The following SCEL variants were observed in gnomAD, a reference collection of about 807,000 sequenced individuals.
The protein encoded by SCEL is sciellin.
Under a neutral mutation model 117.6 loss-of-function variants are expected in SCEL, and 113 were observed. The observed-to-expected ratio is 0.96, with a 90% CI of 0.83 to 1.12. The LOEUF is 1.12. Among genes scored for constraint, SCEL ranks in the 50% most tolerant of loss-of-function variants. SCEL has a pLI of 0.00. For synonymous variants in SCEL, 270 were observed against 256.2 expected (o/e 1.05, Z -0.51); for missense variants, 785 against 810.8 (o/e 0.97, Z 0.39).
chr13:77,586,621 A>T (rs2086578359), intron 9 of SCEL, among the ~76,000 whole-genome samples: 1 of 152,112 alleles, frequency 6.6e-6, no homozygotes, highest in East Asian at 1.9e-4. Flanking sequence ...TCCAACTCTC[A>T]GTCTATTCTG....
In SCEL at chr13:77,604,177, T is replaced by C. The variant is rs1407132378; in HGVS notation, c.1098-179T>C. 8 of 436,532 alleles carry C rather than the reference T, an allele frequency of 1.8e-5. No homozygotes were observed. In the South Asian group the frequency reaches 3.4e-4, roughly 19 times the overall value. The allele number at this position is 436,532 out of a possible 1,614,324, so 27.0% of individuals were successfully genotyped here. A position where few individuals can be genotyped will look rare whatever the true frequency, so the allele number is the denominator to read the frequency against. ...ATTTATTACTAACAAATAAGCAACA[T>C]TAAATGGTCTTCAGCTCAAGTTGTA... is the stretch of plus-strand genomic sequence containing the variant. On this transcript the variant is annotated intron_variant, in intron 18 of 32. Transcript: ENST00000349847.
Position 77,613,972 on chromosome 13 carries a change from A to C in SCEL, c.1451+17A>C, listed in dbSNP as rs1567420441. The C allele has an allele frequency of 5.0e-6, 8 of 1,604,878 alleles. No individual in the cohort carries two copies. The highest frequency in any genetic ancestry group is 5.1e-6 in the Non-Finnish European group (6 of 1,173,436). Reference sequence around the variant, plus strand: ...CACTGATGGGTAAGAGATGGATGTGATTTTTGTTGTGTTTCTCGTTAAGTA... The same window carrying C: ...CACTGATGGGTAAGAGATGGATGTGCTTTTTGTTGTGTTTCTCGTTAAGTA... On this transcript the variant is annotated intron_variant, in intron 24 of 32. Coordinates refer to ENST00000349847, the MANE Select transcript of SCEL (RefSeq NM_144777.3).
chr13:77,552,820 G>GGTTTTGGGTGTAAT (rs1346294903), intron 1 of SCEL, among the ~76,000 whole-genome samples: 2 of 152,148 alleles, frequency 1.3e-5, no homozygotes, highest in African/African-American at 4.8e-5. Context: ...GGGTTTTTAT[G>GGTTTTGGGTGTAAT]GTTTTGGGTG....
intron 4 of SCEL, among the ~76,000 whole-genome samples, chr13:77,562,387 T>C (rs920596135): frequency 6.6e-6 from 1 of 152,178 alleles, no homozygotes; most frequent in African/African-American, 2.4e-5. Flanking sequence ...GGGGTTGTAT[T>C]AAAAATTGGG....
intron 3 of SCEL, among the ~76,000 whole-genome samples, chr13:77,559,110 CTGGGT>C (rs1205447737): frequency 4.6e-5 from 7 of 152,190 alleles, no homozygotes; most frequent in African/African-American, 1.7e-4. Context: ...ATGAAAATAT[CTGGGT>C]CCTAGACCCA....
intron 8 of SCEL, 127 bp downstream of exon 8, chr13:77,569,578 C>T: frequency 1.6e-6 from 1 of 618,154 alleles, no homozygotes; most frequent in Non-Finnish European, 2.8e-6. Context: ...CAGCTCTTTC[C>T]CCCAGCAATC....
chr13:77,644,210 G>A (rs2274014), intron 32 of SCEL, 48 bp from the exon 33 acceptor site: 2 of 1,606,944 alleles, frequency 1.2e-6, no homozygotes, highest in African/African-American at 1.3e-5. Flanking sequence ...TTAATGATGA[G>A]CTTGTTTCTG....
Position 77,627,012 on chromosome 13 carries a change from G to A in SCEL, c.1629-935G>A, listed in dbSNP as rs1339762410. 2.6e-5 allele frequency among the ~76,000 whole-genome samples: 4 copies of A among 152,028 alleles called. No homozygotes were observed. In the East Asian group the frequency reaches 5.8e-4, roughly 22 times the overall value. On this transcript the variant is annotated intron_variant, in intron 27 of 32. Transcript: ENST00000349847. ...TATAAATAACATACCAGAGGATCTT[G>A]TATCTCATGAAAGGGTGTCAAATCA...
At chr13:77,564,456 TACATG>T (rs1343110714) in intron 5 of SCEL, among the ~76,000 whole-genome samples, 1 of 152,176 alleles carries the variant, frequency 6.6e-6, no homozygotes, top group East Asian at 1.9e-4. Context: ...AGTTCCTTCT[TACATG>T]GAGGGAAAGG....
intron 22 of SCEL, among the ~76,000 whole-genome samples, chr13:77,611,879 A>G (rs2088660410): frequency 6.6e-6 from 1 of 152,120 alleles, no homozygotes. Context: ...ATCTGTTAGT[A>G]TTATTATTAC....
intron 9 of SCEL, among the ~76,000 whole-genome samples, chr13:77,577,847 C>T (rs1222464461): frequency 6.6e-6 from 1 of 152,112 alleles, no homozygotes; most frequent in African/African-American, 2.4e-5. Flanking sequence ...AGGCCTTAAC[C>T]TGCTGCTGTT....
chr13:77,563,907 G>A lies in SCEL; in HGVS notation c.290+8G>A. On this transcript the variant is annotated splice_region_variant and intron_variant, in intron 5 of 32. Transcript: ENST00000349847. ...TGATGACACTTTGGACAGGTAAGGG[G>A]CTTTTGAACCATATAAATGGAATGC... is the stretch of plus-strand genomic sequence containing the variant. 1 of 1,557,510 alleles carries A rather than the reference G, an allele frequency of 6.4e-7. No homozygotes were observed. Among genetic ancestry groups the A allele is most frequent in the Non-Finnish European group, 8.7e-7 (1 of 1,155,354 alleles).
chr13:77,545,448 C>T (rs758208440), intron 1 of SCEL, among the ~76,000 whole-genome samples: 8 of 152,056 alleles, frequency 5.3e-5, no homozygotes, highest in Non-Finnish European at 1.2e-4. Flanking sequence ...AATCCCTAAT[C>T]CATTCCACAA....
chr13:77,547,610 C>G (rs193246608), intron 1 of SCEL, among the ~76,000 whole-genome samples: 1 of 152,238 alleles, frequency 6.6e-6, no homozygotes, highest in East Asian at 1.9e-4. Flanking sequence ...AGGTCTTGAT[C>G]AACTCTCAGA....
intron 10 of SCEL, among the ~76,000 whole-genome samples, chr13:77,590,622 T>C (rs112587049): frequency 1.1e-4 from 17 of 152,202 alleles, no homozygotes; most frequent in African/African-American, 4.1e-4. Context: ...AGGAACTTAC[T>C]ACTCAAATTT....
intron 32 of SCEL, among the ~76,000 whole-genome samples, chr13:77,643,386 T>C (rs2090652620): frequency 5.3e-5 from 8 of 152,154 alleles, no homozygotes; most frequent in Admixed American, 5.2e-4. Flanking sequence ...ATAAACTACA[T>C]ATGAAAGTTT....
At chr13:77,622,031 G>A (rs969613901) in intron 27 of SCEL, among the ~76,000 whole-genome samples, 2 of 152,090 alleles carry the variant, frequency 1.3e-5, no homozygotes, top group Non-Finnish European at 2.9e-5. Flanking sequence ...AAAGAGTTGG[G>A]CCCATTTTGC....
At chr13:77,624,589 G>GTTCA (rs2089626218) in intron 27 of SCEL, among the ~76,000 whole-genome samples, 1 of 152,146 alleles carries the variant, frequency 6.6e-6, no homozygotes, top group Admixed American at 6.6e-5. Flanking sequence ...GGAGTACATA[G>GTTCA]TTCAACCCAG....
At chr13:77,640,805 C>A in intron 31 of SCEL, 21 bp downstream of exon 31, 2 of 1,202,332 alleles carry the variant, frequency 1.7e-6, no homozygotes, top group South Asian at 1.3e-5. Flanking sequence ...GTTTATTTCA[C>A]TTAATTAAAT....
Sources: allele counts gnomAD v4.1 joint callset (sites outside exome capture counted in the v4.1 genomes callset), GRCh38; gene constraint gnomAD v4.1.1; transcripts MANE v1.5; gene names NCBI Gene and HGNC (gene_info 2026-07-23, HGNC 2026-07-21).